Variants in R3HCC1L observed in about 807,000 individuals in gnomAD.
R3HCC1L encodes the protein coiled-coil domain-containing protein R3HCC1L.
Under a neutral mutation model 59.9 loss-of-function variants are expected in R3HCC1L, and 51 were observed. The ratio of observed to expected loss-of-function variants is 0.85; its 90% CI spans 0.68 to 1.07. R3HCC1L has a LOEUF of 1.07. Among genes scored for constraint, R3HCC1L ranks in the 50% least tolerant of loss-of-function variants. The pLI, the probability that R3HCC1L is intolerant of heterozygous loss-of-function variation, is 0.00. For synonymous variants in R3HCC1L, 322 were observed against 315.2 expected (o/e 1.02, Z -0.23); for missense variants, 965 against 933.0 (o/e 1.03, Z -0.45).
At chr10:98,224,434 G>T (rs953838787) in intron 5 of R3HCC1L, among the ~76,000 whole-genome samples, 1 of 152,062 alleles carries the variant, frequency 6.6e-6, no homozygotes, top group African/African-American at 2.4e-5. Context: ...ATCCCTCTGC[G>T]AATAGGCATC....
intron 1 of R3HCC1L, among the ~76,000 whole-genome samples, chr10:98,143,455 T>C (rs1426546029): frequency 6.6e-6 from 1 of 152,166 alleles, no homozygotes; most frequent in Non-Finnish European, 1.5e-5. Flanking sequence ...TAGTTCTTGG[T>C]TTTTTCCTCC....
At chr10:98,226,668 C>CT (rs1855705100) in intron 5 of R3HCC1L, among the ~76,000 whole-genome samples, 1 of 152,186 alleles carries the variant, frequency 6.6e-6, no homozygotes, top group Non-Finnish European at 1.5e-5. Flanking sequence ...TCAAAGAGTA[C>CT]TATAAAGCTA....
chr10:98,153,076 G>T lies in R3HCC1L; in HGVS notation c.-267-3017G>T, dbSNP rs929900364. Among the ~76,000 whole-genome samples, 27 of 152,206 alleles carry T rather than the reference G, an allele frequency of 1.8e-4. 1 individual carries two copies. The highest frequency in any genetic ancestry group is 1.8e-3 in the Admixed American group (27 of 15,286). ...GGCCGCCCCTTCTGGGAAGTGAGGA[G>T]CCCCTATACCCGGCCACCACCCCAT... On this transcript the variant is annotated intron_variant, in intron 1 of 9. Transcript: ENST00000298999.
chr10:98,171,383 A>G (rs561956193), intron 4 of R3HCC1L, among the ~76,000 whole-genome samples: 1 of 152,348 alleles, frequency 6.6e-6, no homozygotes, highest in African/African-American at 2.4e-5. Context: ...ACTTTAATAA[A>G]GTAGTATCTT....
At chr10:98,160,232 T>C (rs142390379) in intron 2 of R3HCC1L, among the ~76,000 whole-genome samples, 249 of 152,370 alleles carry the variant, frequency 1.6e-3, no homozygotes, top group Non-Finnish European at 2.4e-3. Context: ...ATAGTGTTTT[T>C]CGTTTAGCCT....
chr10:98,139,989 C>T (rs773993626), intron 1 of R3HCC1L, among the ~76,000 whole-genome samples: 9 of 151,450 alleles, frequency 5.9e-5, no homozygotes, highest in Non-Finnish European at 1.3e-4. Flanking sequence ...CATGAGGATA[C>T]GGATTTCTGG....
chr10:98,208,059 T>G (rs1852921624), intron 4 of R3HCC1L, 42 bp from the exon 5 acceptor site: 1 of 1,516,034 alleles, frequency 6.6e-7, no homozygotes, highest in Non-Finnish European at 8.8e-7. Flanking sequence ...GTTCAATACA[T>G]TGTAATTAGT....
At chr10:98,230,919 A>G (rs2135615440) in intron 5 of R3HCC1L, 1 of 219,270 alleles carries the variant, frequency 4.6e-6, no homozygotes, top group South Asian at 6.0e-5. Flanking sequence ...TGCTATATGC[A>G]CATTCCTTAA....
In R3HCC1L at chr10:98,209,476, T is replaced by G. The variant is rs777222524; in HGVS notation, c.1362T>G (p.His454Gln). ...TTTATGGTGAGAGTATTTCATCTCATTTTACAGAGTCAACAGGAAAGTTGA... is the reference window on the plus strand; with the variant it reads ...TTTATGGTGAGAGTATTTCATCTCAGTTTACAGAGTCAACAGGAAAGTTGA... ...SDIYGESISS[H>Q]FTESTGKLIE... is the part of the protein sequence containing the mutation. Residue 454 changes from histidine to glutamine, a missense_variant, in exon 5 of 10, where the codon CAT becomes CAG. Physicochemically the swap from His to Gln is conservative, Grantham distance 24 (BLOSUM62 0). Transcript: ENST00000298999. 1 of 1,613,742 alleles carries G rather than the reference T, an allele frequency of 6.2e-7. No individual in the cohort carries two copies. Among genetic ancestry groups the G allele is most frequent in the Admixed American group, 1.7e-5 (1 of 60,002 alleles).
At chr10:98,166,514 T>G (rs7071239) in intron 4 of R3HCC1L, among the ~76,000 whole-genome samples, 1 of 152,020 alleles carries the variant, frequency 6.6e-6, no homozygotes, top group Admixed American at 6.5e-5. Flanking sequence ...TCTGAACTTC[T>G]AAATCTGTTT....
intron 5 of R3HCC1L, among the ~76,000 whole-genome samples, chr10:98,216,476 G>A (rs1854219199): frequency 6.6e-6 from 1 of 152,152 alleles, no homozygotes; most frequent in East Asian, 1.9e-4. Flanking sequence ...TCATATCCCT[G>A]CACTTCAGCC....
chr10:98,152,750 C>T (rs1590423378), intron 1 of R3HCC1L, among the ~76,000 whole-genome samples: 1 of 145,922 alleles, frequency 6.9e-6, no homozygotes, highest in African/African-American at 2.5e-5. Context: ...GCCCCTCCGC[C>T]TGGCAGCCGC....
intron 5 of R3HCC1L, among the ~76,000 whole-genome samples, chr10:98,212,210 A>G (rs1401991410): frequency 6.6e-6 from 1 of 152,220 alleles, no homozygotes; most frequent in Non-Finnish European, 1.5e-5. Flanking sequence ...AGCAACATTA[A>G]TAGCCCTTTG....
chr10:98,171,485 TAGAA>T (rs1220693613), intron 4 of R3HCC1L, among the ~76,000 whole-genome samples: 2 of 152,262 alleles, frequency 1.3e-5, no homozygotes, highest in African/African-American at 4.8e-5. Context: ...TGACATCAAA[TAGAA>T]AGACAGTTAC....
At chr10:98,211,376 G>A in intron 5 of R3HCC1L, 2 of 1,524,362 alleles carry the variant, frequency 1.3e-6, no homozygotes, top group Non-Finnish European at 1.8e-6. Context: ...ATATCAGAAT[G>A]TGAGTAGGGA....
chr10:98,214,696 C>T (rs951435443), intron 5 of R3HCC1L, among the ~76,000 whole-genome samples: 2 of 152,130 alleles, frequency 1.3e-5, no homozygotes, highest in African/African-American at 4.8e-5. Context: ...CCCATGAAAA[C>T]GTTCTTATTC....
At chr10:98,221,522 T>G (rs1854958972) in intron 5 of R3HCC1L, among the ~76,000 whole-genome samples, 1 of 151,872 alleles carries the variant, frequency 6.6e-6, no homozygotes, top group East Asian at 1.9e-4. Context: ...GTCTAACGTT[T>G]AAGTCTTTAA....
intron 5 of R3HCC1L, among the ~76,000 whole-genome samples, chr10:98,226,937 T>G (rs1363215752): frequency 2.0e-5 from 3 of 152,256 alleles, no homozygotes; most frequent in Non-Finnish European, 2.9e-5. Context: ...GATTTTAAGA[T>G]AAGCAGTTTC....
chr10:98,160,358 A>G (rs2134162428), intron 2 of R3HCC1L, among the ~76,000 whole-genome samples: 1 of 152,356 alleles, frequency 6.6e-6, no homozygotes, highest in East Asian at 1.9e-4. Context: ...ACTACAAAAT[A>G]AATATGAGAT....
Sources: allele counts gnomAD v4.1 joint callset (sites outside exome capture counted in the v4.1 genomes callset), GRCh38; gene constraint gnomAD v4.1.1; transcripts MANE v1.5; gene names NCBI Gene and HGNC (gene_info 2026-07-23, HGNC 2026-07-21).